The following PAH variants were observed in gnomAD, a reference collection of about 807,000 sequenced individuals.
PAH encodes phenylalanine hydroxylase.
A neutral mutation model predicts 62.0 loss-of-function variants in PAH; 64 were observed. The ratio of observed to expected loss-of-function variants is 1.03; its 90% CI spans 0.84 to 1.27. PAH has a LOEUF of 1.27. PAH is among the 50% of genes most tolerant of loss of function. The pLI, the probability that PAH is intolerant of heterozygous loss-of-function variation, is 0.00. For missense variants in PAH, 579 were observed against 542.8 expected, an observed-to-expected ratio of 1.07 and a Z score of -0.66; for synonymous variants, 195 against 196.2, an observed-to-expected ratio of 0.99 and a Z score of 0.05.
chr12:102,945,313 C>T (rs749541466), intron 1 of PAH, among the ~76,000 whole-genome samples: 10 of 152,230 alleles, frequency 6.6e-5, no homozygotes, highest in Non-Finnish European at 1.0e-4. Context: ...TAGGGCTCTA[C>T]AATCAGTAGG....
intron 2 of PAH, among the ~76,000 whole-genome samples, chr12:102,897,465 GTA>G (rs376902236): frequency 0.1 from 9,621 of 93,712 alleles, 396 homozygotes; most frequent in African/African-American, 0.16. Context: ...GTGTGTGTGT[GTA>G]TATATATATA....
At chr12:102,955,050 T>C (rs1879872345), upstream of PAH, among the ~76,000 whole-genome samples, 1 of 152,106 alleles carries the variant, frequency 6.6e-6, no homozygotes, top group East Asian at 1.9e-4. Context: ...TAGAGACAAA[T>C]GTTCTGGCGG....
intron 2 of PAH, among the ~76,000 whole-genome samples, chr12:102,908,740 C>G (rs966806277): frequency 1.3e-5 from 2 of 152,126 alleles, no homozygotes; most frequent in African/African-American, 2.4e-5. Flanking sequence ...AAACGAAAGA[C>G]CATACTTTAT....
intron 5 of PAH, among the ~76,000 whole-genome samples, chr12:102,861,423 C>A (rs1193838401): frequency 6.6e-6 from 1 of 152,186 alleles, no homozygotes; most frequent in African/African-American, 2.4e-5. Flanking sequence ...GACAGTGTGG[C>A]AATTCCTCAA....
intron 1 of PAH, among the ~76,000 whole-genome samples, chr12:102,941,014 A>T (rs547664857): frequency 2.0e-5 from 3 of 152,344 alleles, no homozygotes; most frequent in Admixed American, 2.0e-4. Flanking sequence ...TTGGGGATCT[A>T]TATTCAGCAT....
intron 1 of PAH, among the ~76,000 whole-genome samples, chr12:102,933,520 C>T (rs1290156746): frequency 6.6e-6 from 1 of 152,048 alleles, no homozygotes; most frequent in Non-Finnish European, 1.5e-5. Context: ...CATATTGTAG[C>T]TCTATTTTCA....
upstream of PAH, among the ~76,000 whole-genome samples, chr12:102,951,886 T>C (rs1879773207): frequency 6.6e-6 from 1 of 152,102 alleles, no homozygotes; most frequent in Admixed American, 6.5e-5. Flanking sequence ...TTGCCATTCA[T>C]TGCTTTTTTT....
At chr12:102,889,286 A>C (rs17033372) in intron 3 of PAH, among the ~76,000 whole-genome samples, 1,772 of 152,298 alleles carry the variant, frequency 0.012, 45 homozygotes, top group African/African-American at 0.04. Flanking sequence ...TCTTCAGGTC[A>C]GCAATGTTGA....
rs1879941783 is a variant in PAH, at chr12:102,957,169, G to A, written c.-96+1026C>T. 6.6e-6 allele frequency among the ~76,000 whole-genome samples: 1 copy of A among 152,090 alleles called. No homozygotes were observed. Among genetic ancestry groups the A allele is most frequent in the African/African-American group, 2.4e-5 (1 of 41,420 alleles). On this transcript the variant is annotated intron_variant, in intron 1 of 4. Coordinates refer to the PAH transcript ENST00000551337. This position sits in a 1 kb window ranked among gnomAD's most constrained non-coding sequence, Gnocchi z 4.1. ...AGAGAGAGAAAACAGGAAAAGTCGAGCCCCACTCCCTCCTCACCTCCACAC... is the reference window on the plus strand; with the variant it reads ...AGAGAGAGAAAACAGGAAAAGTCGAACCCCACTCCCTCCTCACCTCCACAC...
At chr12:102,902,156 C>T (rs1277835686) in intron 2 of PAH, among the ~76,000 whole-genome samples, 6 of 152,082 alleles carry the variant, frequency 3.9e-5, no homozygotes, top group African/African-American at 1.4e-4. Context: ...GGGAGAAAAA[C>T]GTGAGGGAAC....
At chr12:102,905,045 G>A (rs1877920654) in intron 2 of PAH, among the ~76,000 whole-genome samples, 1 of 152,164 alleles carries the variant, frequency 6.6e-6, no homozygotes, top group South Asian at 2.1e-4. Flanking sequence ...AAAGATTCCT[G>A]ATGGGGTAAA....
intron 1 of PAH, among the ~76,000 whole-genome samples, chr12:102,915,656 G>A (rs1001635648): frequency 6.6e-6 from 1 of 152,050 alleles, no homozygotes; most frequent in African/African-American, 2.4e-5. Context: ...AGTGTTCCTT[G>A]GATCTTGACT....
intron 9 of PAH, among the ~76,000 whole-genome samples, chr12:102,846,277 A>G (rs947491882): frequency 6.6e-6 from 1 of 152,226 alleles, no homozygotes; most frequent in Non-Finnish European, 1.5e-5. Flanking sequence ...ATTTGCACTC[A>G]TTGGCAGTCC....
At chr12:102,958,349 CGCAGCCGCG>C in exon 1 of PAH, 1 of 1,434,154 alleles carries the variant, frequency 7.0e-7, no homozygotes, top group Non-Finnish European at 9.1e-7. Flanking sequence ...TTGCCACGGC[CGCAGCCGCG>C]GCGGCCGCAG....
intron 6 of PAH, chr12:102,853,378 T>C (rs920736199): frequency 9.9e-6 from 3 of 304,010 alleles, no homozygotes; most frequent in Non-Finnish European, 1.9e-5. Flanking sequence ...AGAGTATGGA[T>C]AGAGTGCTTC....
intron 3 of PAH, among the ~76,000 whole-genome samples, chr12:102,878,505 A>T (rs1460578537): frequency 1.3e-5 from 2 of 152,098 alleles, no homozygotes; most frequent in East Asian, 3.9e-4. Flanking sequence ...AGGAAACAAG[A>T]TACATTGCAG....
intron 5 of PAH, among the ~76,000 whole-genome samples, chr12:102,863,501 A>G (rs1875822023): frequency 1.3e-5 from 2 of 152,240 alleles, no homozygotes; most frequent in South Asian, 2.1e-4. Context: ...GAAATCCCTC[A>G]TTCTCCTGCA....
At chr12:102,864,789 C>T (rs1346823085) in intron 5 of PAH, among the ~76,000 whole-genome samples, 7 of 107,894 alleles carry the variant, frequency 6.5e-5, no homozygotes, top group Non-Finnish European at 7.5e-5. Flanking sequence ...TAGGCAAATT[C>T]GCAAAATAGA....
chr12:102,883,486 C>T (rs1420105160), intron 3 of PAH, among the ~76,000 whole-genome samples: 1 of 152,184 alleles, frequency 6.6e-6, no homozygotes, highest in South Asian at 2.1e-4. Flanking sequence ...CTTCATTCAG[C>T]CCTCTTGGTA....
Sources: gnomAD v4.1 joint callset for allele counts (sites outside exome capture counted in the v4.1 genomes callset) on GRCh38, gnomAD v4.1.1 for gene constraint, Gnocchi (gnomAD v3.1) non-coding constraint, MANE v1.5 for transcripts, NCBI Gene and HGNC (gene_info 2026-07-23, HGNC 2026-07-21) for gene names.